Variants in SPRED1 observed in about 807,000 individuals in gnomAD.
SPRED1 encodes the protein sprouty related EVH1 domain containing 1.
A neutral mutation model predicts 52.3 loss-of-function variants in SPRED1; 18 were observed. That is an observed-to-expected ratio of 0.34 (90% confidence interval 0.24 to 0.51). The LOEUF (loss-of-function observed/expected upper bound fraction) is 0.51, where lower values mean the gene tolerates loss of function less well. Ranked by LOEUF, SPRED1 falls within the 20% of genes least tolerant of loss-of-function variation. The probability of loss-of-function intolerance (pLI) is 0.97; values close to 1 mark genes in which losing one functional copy is unlikely to be tolerated. For synonymous variants in SPRED1, 155 were observed against 179.7 expected (o/e 0.86, Z 1.10); for missense variants, 485 against 551.0 (o/e 0.88, Z 1.20).
rs1894008809 is a variant in SPRED1 at position 38,252,922 on chromosome 15, C to T, written c.-264C>T. The T allele has an allele frequency of 1.0e-5, 6 of 576,356 alleles. No homozygotes were observed. Among genetic ancestry groups the T allele is most frequent in the Admixed American group, 9.1e-5 (3 of 32,970 alleles). 35.7% of individuals were successfully genotyped at this position (576,356 alleles called of 1,614,324 possible). On this transcript the variant is annotated 5_prime_UTR_variant, in exon 1 of 7. Transcript: ENST00000299084. The stretch of plus-strand genomic sequence containing the variant: ...TTTTTCCCTTTCCACCGGGCCTCCT[C>T]GGATCCCTTGGCTGGGCACTGAGGC...
chr15:38,291,462 G>A (rs1224948975), intron 1 of SPRED1, among the ~76,000 whole-genome samples: 3 of 152,240 alleles, frequency 2.0e-5, no homozygotes, highest in Non-Finnish European at 2.9e-5. Flanking sequence ...GGGACTCTGT[G>A]TCGGGGCTCT....
At chr15:38,275,251 A>G (rs1456381934) in intron 1 of SPRED1, among the ~76,000 whole-genome samples, 1 of 152,168 alleles carries the variant, frequency 6.6e-6, no homozygotes, top group African/African-American at 2.4e-5. Context: ...CTGTTGTCCC[A>G]GACTTGGCCA....
chr15:38,269,848 A>G (rs375004584), intron 1 of SPRED1, among the ~76,000 whole-genome samples: 1 of 151,802 alleles, frequency 6.6e-6, no homozygotes, highest in African/African-American at 2.4e-5. Flanking sequence ...TATAGCCACA[A>G]GTGGCCAGTG....
chr15:38,276,405 AT>A (rs1215594824), intron 1 of SPRED1, among the ~76,000 whole-genome samples: 2 of 152,068 alleles, frequency 1.3e-5, no homozygotes, highest in African/African-American at 4.8e-5. Context: ...GTGCACTATC[AT>A]TTCATAATTA....
intron 4 of SPRED1, among the ~76,000 whole-genome samples, chr15:38,331,032 A>G (rs1043562853): frequency 6.6e-6 from 1 of 152,068 alleles, no homozygotes; most frequent in Non-Finnish European, 1.5e-5. Flanking sequence ...GAATTATTTT[A>G]TTGCTTTACT....
intron 2 of SPRED1, among the ~76,000 whole-genome samples, chr15:38,300,526 A>T (rs1412949651): frequency 6.6e-6 from 1 of 151,724 alleles, no homozygotes; most frequent in Non-Finnish European, 1.5e-5. Context: ...GTTTCTTCAT[A>T]TTTTTTTTAC....
chr15:38,283,012 G>A (rs911030088), intron 1 of SPRED1, among the ~76,000 whole-genome samples: 5 of 152,038 alleles, frequency 3.3e-5, no homozygotes, highest in Admixed American at 6.6e-5. Flanking sequence ...GTGTAATGAG[G>A]TATGTTAGTC....
chr15:38,277,895 TGTTC>T (rs1376363697), intron 1 of SPRED1, among the ~76,000 whole-genome samples: 1 of 103,840 alleles, frequency 9.6e-6, no homozygotes, highest in Non-Finnish European at 2.1e-5. Flanking sequence ...TGTTTATGCT[TGTTC>T]ATGTATGTCT....
At chr15:38,322,496 T>A in intron 3 of SPRED1, 87 bp downstream of exon 3, 1 of 1,414,398 alleles carries the variant, frequency 7.1e-7, no homozygotes, top group Non-Finnish European at 9.9e-7. Context: ...AAAGTAGTTT[T>A]CACACTTTAA....
At position 38,339,812 on chromosome 15, in the gene SPRED1, C is replaced by G; in HGVS notation, c.499C>G (p.Pro167Ala). The stretch of plus-strand genomic sequence containing the variant: ...GCAAGAGACAGTTGTTACCAGTGAG[C>G]CTTATAGAAGCTCAAATATAAGACC... ...FQQETVVTSE[P>A]YRSSNIRPSP... Residue 167 changes from proline to alanine, a missense_variant, in exon 5 of 7, where the codon CCT (proline) becomes GCT (alanine). By Grantham distance (27) the Pro-to-Ala change is conservative. Around this residue, in one of 5 missense-constraint regions of SPRED1, gnomAD observed 232 missense variants for 231.8 expected, o/e 1.00. Coordinates refer to ENST00000299084, the MANE Select transcript of SPRED1 (RefSeq NM_152594.3). 1 of 1,613,876 alleles carries G rather than the reference C, an allele frequency of 6.2e-7. No individual in the cohort carries two copies. Among genetic ancestry groups the G allele is most frequent in the Non-Finnish European group, 8.5e-7 (1 of 1,179,922 alleles).
intron 1 of SPRED1, among the ~76,000 whole-genome samples, chr15:38,271,781 G>C (rs933336845): frequency 6.6e-6 from 1 of 152,066 alleles, no homozygotes; most frequent in African/African-American, 2.4e-5. Flanking sequence ...TTTAGATTTG[G>C]GGAGTACATG....
At chr15:38,324,840 C>CAT in intron 4 of SPRED1, 31 bp downstream of exon 4, 1 of 1,580,480 alleles carries the variant, frequency 6.3e-7, no homozygotes. Context: ...AATTTGTAAA[C>CAT]ATAAAGGATG....
At chr15:38,349,641 A>G in intron 6 of SPRED1, 118 bp downstream of exon 6, 4 of 766,362 alleles carry the variant, frequency 5.2e-6, no homozygotes, top group South Asian at 4.6e-5. Flanking sequence ...TTTTCATTGT[A>G]TAAATTTGCT....
Position 38,285,033 on chromosome 15 carries a change from A to G in SPRED1, c.33-14340A>G, listed in dbSNP as rs577936342. Among the ~76,000 whole-genome samples, 173 of 152,080 alleles carry G rather than the reference A, an allele frequency of 1.1e-3. 4 individuals are homozygous for G. In the South Asian group the frequency reaches 0.036, roughly 31 times the overall value. Reference sequence around the variant, plus strand: ...TGTTTCACCTGTACCACACCATTTTAAATACTAGATCTATTTTTTTTAAAT... The same window carrying G: ...TGTTTCACCTGTACCACACCATTTTGAATACTAGATCTATTTTTTTTAAAT... On this transcript the variant is annotated intron_variant, in intron 1 of 6. Coordinates refer to ENST00000299084, the MANE Select transcript of SPRED1 (RefSeq NM_152594.3).
Position 38,353,083 on chromosome 15 carries a change from CA to C in SPRED1, c.*1421del, listed in dbSNP as rs1001762411. ...TTAAGTGTTACATTAAAACTCTAAC[CA>C]AGGAAAGGGTTCTTTAAGAACATTC... On this transcript the variant is annotated 3_prime_UTR_variant, in exon 7 of 7. Coordinates refer to ENST00000299084, the MANE Select transcript of SPRED1 (RefSeq NM_152594.3). 6.6e-6 allele frequency: 1 copy of C among 151,932 alleles called. No homozygotes were observed. The highest frequency in any genetic ancestry group is 2.4e-5 in the African/African-American group (1 of 41,238). 9.4% of individuals were successfully genotyped at this position (151,932 alleles called of 1,614,324 possible). A position where few individuals can be genotyped will look rare whatever the true frequency, so the allele number is the denominator to read the frequency against.
At chr15:38,334,120 C>G (rs970850712) in intron 4 of SPRED1, among the ~76,000 whole-genome samples, 6 of 151,874 alleles carry the variant, frequency 4.0e-5, no homozygotes, top group African/African-American at 1.5e-4. Context: ...TATTGCTACA[C>G]ATGTCAAGGT....
At chr15:38,317,898 C>G (rs1566865901) in intron 2 of SPRED1, among the ~76,000 whole-genome samples, 1 of 148,914 alleles carries the variant, frequency 6.7e-6, no homozygotes, top group East Asian at 2.0e-4. Context: ...TCAAGGTGTA[C>G]TATACATTGT....
intron 2 of SPRED1, among the ~76,000 whole-genome samples, chr15:38,320,909 G>A (rs12913861): frequency 0.12 from 18,323 of 152,116 alleles, 1,905 homozygotes; most frequent in East Asian, 0.54. Context: ...AGACTGAAGA[G>A]ACCTTATAAC....
At chr15:38,260,122 A>T (rs8036491) in intron 1 of SPRED1, among the ~76,000 whole-genome samples, 125,460 of 152,238 alleles carry the variant, frequency 0.82, 52,492 homozygotes, top group Non-Finnish European at 0.9. Flanking sequence ...TTAACAACGT[A>T]CTACAAATTG....
Sources: allele counts gnomAD v4.1 joint callset (sites outside exome capture counted in the v4.1 genomes callset), GRCh38; gene constraint gnomAD v4.1.1; regional missense constraint gnomAD v4.1.1; transcripts MANE v1.5; gene names NCBI Gene and HGNC (gene_info 2026-07-23, HGNC 2026-07-21).